LOC128125817: variants seen among roughly 807,000 people sequenced by gnomAD.
the LOC128125817 span, among the ~76,000 whole-genome samples, chr1:41,602,335 A>C: frequency 6.6e-6 from 1 of 152,152 alleles, no homozygotes; most frequent in Non-Finnish European, 1.5e-5. Context: ...AAATCTTTAA[A>C]AAATATTTTG....
chr1:41,608,286 G>C, the LOC128125817 span, among the ~76,000 whole-genome samples: 3 of 152,212 alleles, frequency 2.0e-5, no homozygotes, highest in Admixed American at 2.0e-4. Flanking sequence ...ATTGCCAAAA[G>C]AAGGACTTTT....
At chr1:41,627,763 G>C in the LOC128125817 span, among the ~76,000 whole-genome samples, 1 of 152,120 alleles carries the variant, frequency 6.6e-6, no homozygotes, top group Admixed American at 6.5e-5. Flanking sequence ...CCAGAAGGAG[G>C]CCCTGGAGTC....
the LOC128125817 span, among the ~76,000 whole-genome samples, chr1:41,605,181 G>T: frequency 7.0e-6 from 1 of 142,084 alleles, no homozygotes; most frequent in Admixed American, 7.0e-5. Context: ...GGGAGGGGAG[G>T]GGAGGGAAGG....
chr1:41,616,840 C>T, the LOC128125817 span, among the ~76,000 whole-genome samples: 1 of 152,158 alleles, frequency 6.6e-6, no homozygotes, highest in African/African-American at 2.4e-5. Context: ...AGGCTACAGG[C>T]CAATAGGTTG....
chr1:41,613,913 A>G, the LOC128125817 span, among the ~76,000 whole-genome samples: 1 of 152,334 alleles, frequency 6.6e-6, no homozygotes, highest in South Asian at 2.1e-4. Flanking sequence ...ATCACCCGCC[A>G]TATGTCCTTT....
chr1:41,622,975 A>G, the LOC128125817 span, among the ~76,000 whole-genome samples: 1 of 152,212 alleles, frequency 6.6e-6, no homozygotes, highest in Non-Finnish European at 1.5e-5. Flanking sequence ...TCTCCATCCT[A>G]CTGATGAGGC....
chr1:41,619,730 G>T, the LOC128125817 span, among the ~76,000 whole-genome samples: 1 of 152,166 alleles, frequency 6.6e-6, no homozygotes, highest in Non-Finnish European at 1.5e-5. Context: ...AGGGAGGTCA[G>T]CTGGGAGGCT....
chr1:41,613,398 A>G, the LOC128125817 span, among the ~76,000 whole-genome samples: 1 of 152,214 alleles, frequency 6.6e-6, no homozygotes, highest in Admixed American at 6.5e-5. Flanking sequence ...TCACATGCCC[A>G]TCTCCCCAGC....
At chr1:41,621,500 CTCT>C in the LOC128125817 span, among the ~76,000 whole-genome samples, 10 of 152,224 alleles carry the variant, frequency 6.6e-5, no homozygotes, top group Admixed American at 2.0e-4. Flanking sequence ...AATGAGCCTG[CTCT>C]TCTTCTTCTT....
chr1:41,594,153 T>C, the LOC128125817 span, among the ~76,000 whole-genome samples: 1 of 152,230 alleles, frequency 6.6e-6, no homozygotes, highest in Admixed American at 6.5e-5. Flanking sequence ...TTCCAGGGTT[T>C]AGAATGTGGA....
At chr1:41,610,740 G>A in the LOC128125817 span, among the ~76,000 whole-genome samples, 39 of 152,300 alleles carry the variant, frequency 2.6e-4, no homozygotes, top group African/African-American at 8.9e-4. Flanking sequence ...AATTCCGAGC[G>A]CAATTTCTTG....
At chr1:41,607,147 A>G in the LOC128125817 span, among the ~76,000 whole-genome samples, 1 of 151,938 alleles carries the variant, frequency 6.6e-6, no homozygotes, top group Non-Finnish European at 1.5e-5. Context: ...ACTGAGAGGA[A>G]ATTTCTTTGG....
chr1:41,586,336 C>T, the LOC128125817 span, among the ~76,000 whole-genome samples: 6 of 152,190 alleles, frequency 3.9e-5, no homozygotes, highest in South Asian at 1.2e-3. Context: ...ACCATGGACT[C>T]CATCTCACCC....
chr1:41,603,742 G>A, the LOC128125817 span, among the ~76,000 whole-genome samples: 2 of 152,224 alleles, frequency 1.3e-5, no homozygotes, highest in East Asian at 1.9e-4. Context: ...TAAGACTTGT[G>A]TTGTAACTTA....
chr1:41,604,184 T>C, the LOC128125817 span, among the ~76,000 whole-genome samples: 1 of 152,176 alleles, frequency 6.6e-6, no homozygotes, highest in Non-Finnish European at 1.5e-5. Context: ...CTATATCCTA[T>C]AGAAATGCCT....
the LOC128125817 span, among the ~76,000 whole-genome samples, chr1:41,618,583 G>T: frequency 6.6e-6 from 1 of 152,218 alleles, no homozygotes; most frequent in African/African-American, 2.4e-5. Context: ...CCCCTGTCCC[G>T]TTCTTTCCCT....
At chr1:41,619,903 C>T in the LOC128125817 span, among the ~76,000 whole-genome samples, 1 of 152,174 alleles carries the variant, frequency 6.6e-6, no homozygotes, top group Non-Finnish European at 1.5e-5. Context: ...AGCACCTAGG[C>T]ATGGCTGGCC....
At chr1:41,594,830 A>G in the LOC128125817 span, among the ~76,000 whole-genome samples, 1 of 152,068 alleles carries the variant, frequency 6.6e-6, no homozygotes, top group Non-Finnish European at 1.5e-5. Flanking sequence ...TAGTTCCATT[A>G]TGATTTATTT....
At chr1:41,626,230 G>T in the LOC128125817 span, among the ~76,000 whole-genome samples, 2 of 152,342 alleles carry the variant, frequency 1.3e-5, no homozygotes, top group South Asian at 2.1e-4. Flanking sequence ...CCTCTGTCTT[G>T]TTCGGATGCC....
Sources: gnomAD v4.1 joint callset for allele counts (sites outside exome capture counted in the v4.1 genomes callset) on GRCh38, gnomAD v4.1.1 for gene constraint, MANE v1.5 for transcripts.